Variants in CNTN3 observed in about 807,000 individuals in gnomAD.
CNTN3 encodes contactin-3.
Under a neutral mutation model 119.1 loss-of-function variants are expected in CNTN3, and 60 were observed. The ratio of observed to expected loss-of-function variants is 0.50; its 90% CI spans 0.41 to 0.62. CNTN3 has a LOEUF of 0.62. Ranked by LOEUF, CNTN3 falls within the 20% of genes least tolerant of loss-of-function variation. CNTN3 has a pLI of 0.00. For missense variants in CNTN3, 1,101 were observed against 1,242.4 expected (o/e 0.89, Z 1.71); for synonymous variants, 450 against 438.7 (o/e 1.03, Z -0.32).
chr3:74,375,598 A>G (rs2106799416), intron 5 of CNTN3, among the ~76,000 whole-genome samples: 1 of 152,234 alleles, frequency 6.6e-6, no homozygotes, highest in South Asian at 2.1e-4. Context: ...GGGTCACAGT[A>G]AGGGAAAAGG....
At chr3:74,372,868 A>G (rs1459314843) in intron 5 of CNTN3, among the ~76,000 whole-genome samples, 1 of 152,202 alleles carries the variant, frequency 6.6e-6, no homozygotes, top group Non-Finnish European at 1.5e-5. Context: ...CACTCCAAGT[A>G]GAGTGAAGAA....
At chr3:74,456,072 C>G (rs1192739665) in intron 4 of CNTN3, among the ~76,000 whole-genome samples, 1 of 152,038 alleles carries the variant, frequency 6.6e-6, no homozygotes. Context: ...GCTGAGCACT[C>G]TTCTTTGTAT....
chr3:74,569,550 A>G (rs898692144), intron 1 of CNTN3, among the ~76,000 whole-genome samples: 1 of 152,216 alleles, frequency 6.6e-6, no homozygotes, highest in Non-Finnish European at 1.5e-5. Flanking sequence ...GTGAGTGAAA[A>G]TGAAGAGAGA....
intron 16 of CNTN3, 43 bp from the exon 17 acceptor site, chr3:74,299,981 T>C (rs759384116): frequency 2.5e-6 from 3 of 1,223,030 alleles, no homozygotes; most frequent in East Asian, 2.5e-5. Context: ...TACTTGCATT[T>C]AGTAATATTT....
At chr3:74,315,997 G>C (rs1013325309) in intron 13 of CNTN3, among the ~76,000 whole-genome samples, 1 of 152,134 alleles carries the variant, frequency 6.6e-6, no homozygotes, top group East Asian at 1.9e-4. Flanking sequence ...AAATTGACAA[G>C]TGGGACCTAA....
At chr3:74,386,383 T>C (rs1490398184) in intron 5 of CNTN3, among the ~76,000 whole-genome samples, 2 of 152,036 alleles carry the variant, frequency 1.3e-5, no homozygotes, top group Non-Finnish European at 2.9e-5. Flanking sequence ...CACTGGGAAG[T>C]TGAAGAAGGT....
At chr3:74,437,146 T>C (rs1701880100) in intron 4 of CNTN3, among the ~76,000 whole-genome samples, 2 of 152,098 alleles carry the variant, frequency 1.3e-5, no homozygotes, top group African/African-American at 4.8e-5. Context: ...ATTTGCTAAA[T>C]CAAACAAATA....
intron 4 of CNTN3, among the ~76,000 whole-genome samples, chr3:74,478,834 T>C (rs1338077469): frequency 1.3e-5 from 2 of 152,118 alleles, no homozygotes; most frequent in African/African-American, 2.4e-5. Context: ...AAACAGTTCA[T>C]ATGAGGGAAG....
chr3:74,345,850 A>T (rs1372285926), intron 11 of CNTN3, among the ~76,000 whole-genome samples: 2 of 152,192 alleles, frequency 1.3e-5, no homozygotes, highest in African/African-American at 4.8e-5. Flanking sequence ...GTGGATCTCA[A>T]CTAAGTTGGT....
intron 5 of CNTN3, among the ~76,000 whole-genome samples, chr3:74,399,975 G>A (rs966582039): frequency 2.0e-5 from 3 of 152,136 alleles, no homozygotes; most frequent in African/African-American, 4.8e-5. Context: ...TATCCTTTGT[G>A]TCCAGCACAG....
intron 2 of CNTN3, among the ~76,000 whole-genome samples, chr3:74,511,250 A>G (rs768373129): frequency 4.3e-4 from 65 of 152,158 alleles, no homozygotes; most frequent in Non-Finnish European, 7.3e-4. Flanking sequence ...ATATTGACAG[A>G]GCACAATTTC....
At chr3:74,555,992 G>A (rs532121406) in intron 1 of CNTN3, among the ~76,000 whole-genome samples, 1 of 152,126 alleles carries the variant, frequency 6.6e-6, no homozygotes, top group South Asian at 2.1e-4. Flanking sequence ...ATTTTGTAGT[G>A]GGGTTGCTCA....
intron 20 of CNTN3, among the ~76,000 whole-genome samples, chr3:74,279,272 GA>G (rs1701946329): frequency 6.6e-6 from 1 of 152,088 alleles, no homozygotes; most frequent in East Asian, 1.9e-4. Flanking sequence ...CTACCTAGAG[GA>G]AAAAAAGTCA....
chr3:74,377,790 C>T (rs555349711), intron 5 of CNTN3, among the ~76,000 whole-genome samples: 3 of 152,164 alleles, frequency 2.0e-5, no homozygotes, highest in Non-Finnish European at 4.4e-5. Context: ...GGCATTCTGC[C>T]TCTAGCTATA....
chr3:74,319,491 C>T (rs1371940312), intron 13 of CNTN3, among the ~76,000 whole-genome samples: 2 of 152,120 alleles, frequency 1.3e-5, no homozygotes, highest in Non-Finnish European at 2.9e-5. Flanking sequence ...GGATCCCTTC[C>T]TTACACCTTA....
intron 4 of CNTN3, among the ~76,000 whole-genome samples, chr3:74,443,522 G>A (rs1459767486): frequency 6.6e-6 from 1 of 152,054 alleles, no homozygotes; most frequent in Non-Finnish European, 1.5e-5. Flanking sequence ...TCTTTCGCAT[G>A]GCTGATGTGG....
At chr3:74,469,291 G>C (rs971515268) in intron 4 of CNTN3, among the ~76,000 whole-genome samples, 4 of 152,098 alleles carry the variant, frequency 2.6e-5, no homozygotes, top group East Asian at 1.9e-4. Context: ...GTGATTAGTA[G>C]AGTATGTCAT....
chr3:74,577,847 T>C (rs1052181698), intron 1 of CNTN3, among the ~76,000 whole-genome samples: 4 of 152,136 alleles, frequency 2.6e-5, no homozygotes, highest in Non-Finnish European at 4.4e-5. Flanking sequence ...CTGAAACATA[T>C]GCAATTTGCA....
intron 17 of CNTN3, among the ~76,000 whole-genome samples, chr3:74,299,084 G>C (rs1264605491): frequency 6.6e-6 from 1 of 152,020 alleles, no homozygotes; most frequent in Non-Finnish European, 1.5e-5. Context: ...GCGCATGCCT[G>C]TAATTCTAGC....
Sources: allele counts gnomAD v4.1 joint callset (sites outside exome capture counted in the v4.1 genomes callset), GRCh38; gene constraint gnomAD v4.1.1; transcripts MANE v1.5; gene names NCBI Gene and HGNC (gene_info 2026-07-23, HGNC 2026-07-21).